Variants in SLC22A2 observed in about 807,000 individuals in gnomAD.
SLC22A2 encodes the protein solute carrier family 22 member 2, also known as organic cation transporter 2.
SLC22A2 carries 46 observed loss-of-function variants against 60.5 expected under a neutral mutation model. That is an observed-to-expected ratio of 0.76 (90% CI 0.60 to 0.97). SLC22A2 has a LOEUF of 0.97. SLC22A2 is among the 50% of genes least tolerant of loss of function. The pLI is 0.00. For missense variants in SLC22A2, 701 were observed against 706.6 expected, an observed-to-expected ratio of 0.99 and a Z score of 0.09; for synonymous variants, 303 against 267.0, an observed-to-expected ratio of 1.13 and a Z score of -1.31.
At chr6:160,237,354 T>C (rs1047263456) in intron 9 of SLC22A2, among the ~76,000 whole-genome samples, 1 of 152,182 alleles carries the variant, frequency 6.6e-6, no homozygotes, top group African/African-American at 2.4e-5. Context: ...TTGTGGAACA[T>C]ATTGCCGTTT....
intron 9 of SLC22A2, among the ~76,000 whole-genome samples, chr6:160,225,330 T>G (rs1469930525): frequency 6.6e-6 from 1 of 152,240 alleles, no homozygotes; most frequent in Non-Finnish European, 1.5e-5. Flanking sequence ...CTATAATCTT[T>G]AATAATAAAC....
chr6:160,226,418 G>T (rs1257630082), intron 9 of SLC22A2, among the ~76,000 whole-genome samples: 1 of 152,172 alleles, frequency 6.6e-6, no homozygotes, highest in African/African-American at 2.4e-5. Flanking sequence ...GAAATTGACT[G>T]TCTAGGCAGC....
intron 2 of SLC22A2, among the ~76,000 whole-genome samples, chr6:160,255,137 C>T (rs550927151): frequency 7.9e-5 from 12 of 152,330 alleles, no homozygotes; most frequent in African/African-American, 2.9e-4. Flanking sequence ...ATCCTCAATT[C>T]TGCAGCAATA....
At chr6:160,230,718 G>A (rs1166971824) in intron 9 of SLC22A2, among the ~76,000 whole-genome samples, 3 of 151,846 alleles carry the variant, frequency 2.0e-5, no homozygotes, top group African/African-American at 4.9e-5. Context: ...TGCCTGAACC[G>A]CAGCTGCCAG....
In SLC22A2 at chr6:160,234,196, C is replaced by T. The variant is rs9457877; in HGVS notation, c.1501+7278G>A. On this transcript the variant is annotated intron_variant, in intron 9 of 10. Transcript: ENST00000366953. ...CTTTACCTACCCACATCCTATAAAA[C>T]GGCCCCACCCTATCTCCTTTCACTG... Among the ~76,000 whole-genome samples, 1,372 of 152,226 alleles carry T rather than the reference C, an allele frequency of 9.0e-3. 29 individuals are homozygous for T. Among genetic ancestry groups the T allele is most frequent in the African/African-American group, 0.031 (1,295 of 41,536 alleles).
chr6:160,257,760 T>C (rs1338071308), intron 1 of SLC22A2: 2 of 152,194 alleles, frequency 1.3e-5, no homozygotes, highest in Non-Finnish European at 2.9e-5. Context: ...TTTTTTTCTA[T>C]TATATTTATT....
intron 9 of SLC22A2, among the ~76,000 whole-genome samples, chr6:160,229,798 A>G (rs936287570): frequency 2.6e-5 from 4 of 151,800 alleles, no homozygotes; most frequent in South Asian, 4.2e-4. Context: ...CAGCTGACCT[A>G]AAATCTAAGC....
chr6:160,247,712 T>C lies in SLC22A2; in HGVS notation c.843-414A>G, dbSNP rs1192362024. Among the ~76,000 whole-genome samples the C allele has an allele frequency of 2.0e-5, 3 of 152,194 alleles. No homozygotes were observed. The South Asian group carries it at 6.2e-4, about 32-fold the overall frequency. Reference sequence around the variant, plus strand: ...TTCCCAAAGGAATGAGATAAGAATTTGAGGTCAGAGGGTGAGGTAACTGAA... The same window carrying C: ...TTCCCAAAGGAATGAGATAAGAATTCGAGGTCAGAGGGTGAGGTAACTGAA... On this transcript the variant is annotated intron_variant, in intron 4 of 10. Coordinates refer to ENST00000366953, the MANE Select transcript of SLC22A2 (RefSeq NM_003058.4).
intron 9 of SLC22A2, among the ~76,000 whole-genome samples, chr6:160,240,124 C>T (rs1782974206): frequency 6.6e-6 from 1 of 152,058 alleles, no homozygotes; most frequent in Non-Finnish European, 1.5e-5. Context: ...GCCACAGACA[C>T]ATCTGTGGCT....
At chr6:160,250,454 C>G in intron 3 of SLC22A2, 94 bp downstream of exon 3, 1 of 1,133,464 alleles carries the variant, frequency 8.8e-7, no homozygotes, top group Non-Finnish European at 1.3e-6. Flanking sequence ...TGTCTTGAAG[C>G]TGGGTCCCTT....
chr6:160,255,897 CAGTG>C (rs374049115), intron 2 of SLC22A2, among the ~76,000 whole-genome samples: 3 of 152,162 alleles, frequency 2.0e-5, no homozygotes, highest in African/African-American at 7.2e-5. Context: ...ACTTGCAGCA[CAGTG>C]AGTGTGGGAT....
chr6:160,224,841 G>T, intron 9 of SLC22A2, 37 bp from the exon 10 acceptor site: 1 of 1,251,378 alleles, frequency 8.0e-7, no homozygotes, highest in East Asian at 2.5e-5. Flanking sequence ...ATTAAGAACT[G>T]AAAAACTCAA....
In SLC22A2 at chr6:160,216,813, A is replaced by G. The variant is rs1782544689; in HGVS notation, c.*619T>C. 1 of 152,150 alleles carries G rather than the reference A, an allele frequency of 6.6e-6. No homozygotes were observed. Among genetic ancestry groups the G allele is most frequent in the African/African-American group, 2.4e-5 (1 of 41,386 alleles). 9.4% of individuals were successfully genotyped at this position (152,150 alleles called of 1,614,324 possible). A position where few individuals can be genotyped will look rare whatever the true frequency, so the allele number is the denominator to read the frequency against. ...CTTCTCAAGGTCTTTTGTAGAAAAT[A>G]CACATTCATGCTTACCCAATCTAAA... On this transcript the variant is annotated 3_prime_UTR_variant, in exon 11 of 11. Transcript: ENST00000366953.
Position 160,247,221 on chromosome 6 carries a change from G to A in SLC22A2, c.920C>T (p.Ala307Val). 6.2e-7 allele frequency: 1 copy of A among 1,613,154 alleles called. No homozygotes were observed. Among genetic ancestry groups the A allele is most frequent in the Admixed American group, 1.7e-5 (1 of 60,014 alleles). Residue 307 changes from alanine to valine, a missense_variant, in exon 5 of 11, where the codon GCA (alanine) becomes GTA (valine). Ala to Val is a moderately conservative substitution (Grantham distance 64). Coordinates refer to ENST00000366953, the MANE Select transcript of SLC22A2 (RefSeq NM_003058.4). Reference sequence around the variant, plus strand: ...GGGTAGAGATTTTCCATTTTTCTTTGCGATGTGCTTAATGATTCTCATGGC... The same window carrying A: ...GGGTAGAGATTTTCCATTTTTCTTTACGATGTGCTTAATGATTCTCATGGC... ...AEAMRIIKHIAKKNGKSLPAS... is the reference protein window; with the variant it reads ...AEAMRIIKHIVKKNGKSLPAS...
chr6:160,228,955 T>A (rs1782773107), intron 9 of SLC22A2, among the ~76,000 whole-genome samples: 1 of 151,752 alleles, frequency 6.6e-6, no homozygotes, highest in African/African-American at 2.4e-5. Context: ...GATGACTGTC[T>A]TTTTGGACTC....
rs1258247778 is a variant in SLC22A2 at position 160,217,383 on chromosome 6, T to A, written c.*49A>T. On this transcript the variant is annotated 3_prime_UTR_variant, in exon 11 of 11. Coordinates refer to ENST00000366953, the MANE Select transcript of SLC22A2 (RefSeq NM_003058.4). Reference sequence around the variant, plus strand: ...TGAGTGCAGGGATTTCTACTTTTGGTCTTGCTGCCATCAAAGCTAGGTCAT... The same window carrying A: ...TGAGTGCAGGGATTTCTACTTTTGGACTTGCTGCCATCAAAGCTAGGTCAT... 2.5e-6 allele frequency: 3 copies of A among 1,214,430 alleles called. No individual in the cohort carries two copies. Among genetic ancestry groups the A allele is most frequent in the Non-Finnish European group, 3.6e-6 (3 of 826,316 alleles). The allele number at this position is 1,214,430 out of a possible 1,614,324, so 75.2% of individuals were successfully genotyped here.
chr6:160,235,634 C>A (rs1782898895), intron 9 of SLC22A2, among the ~76,000 whole-genome samples: 2 of 150,414 alleles, frequency 1.3e-5, no homozygotes, highest in Admixed American at 1.3e-4. Flanking sequence ...AAAGGGGTAT[C>A]ATTCAGTTTT....
intron 9 of SLC22A2, among the ~76,000 whole-genome samples, chr6:160,228,310 G>C (rs1782759684): frequency 6.6e-6 from 1 of 152,218 alleles, no homozygotes; most frequent in South Asian, 2.1e-4. Flanking sequence ...CTTTGGGTAA[G>C]TGCTGGCGTA....
intron 2 of SLC22A2, among the ~76,000 whole-genome samples, chr6:160,255,144 A>C (rs1783248805): frequency 1.3e-5 from 2 of 152,218 alleles, no homozygotes; most frequent in Non-Finnish European, 2.9e-5. Flanking sequence ...ATTCTGCAGC[A>C]ATAAAAATAA....
Sources: gnomAD v4.1 joint callset for allele counts (sites outside exome capture counted in the v4.1 genomes callset) on GRCh38, gnomAD v4.1.1 for gene constraint, MANE v1.5 for transcripts, NCBI Gene and HGNC (gene_info 2026-07-23, HGNC 2026-07-21) for gene names.